The following HMGN5 variants were observed in gnomAD, a reference collection of about 807,000 sequenced individuals.
HMGN5 encodes the protein high mobility group nucleosome-binding domain-containing protein 5.
Under a neutral mutation model 9.5 loss-of-function variants are expected in HMGN5, and 4 were observed. That is an observed-to-expected ratio of 0.42 (90% CI 0.21 to 0.96). The LOEUF (loss-of-function observed/expected upper bound fraction) is 0.96. HMGN5 is among the 40% of genes least tolerant of loss of function. The probability of loss-of-function intolerance (pLI) is 0.30; values close to 1 mark genes in which losing one functional copy is unlikely to be tolerated. For synonymous variants in HMGN5, 55 were observed against 57.1 expected, an observed-to-expected ratio of 0.96 and a Z score of 0.16; for missense variants, 192 against 187.5, an observed-to-expected ratio of 1.02 and a Z score of -0.14.
intron 1 of HMGN5, among the ~76,000 whole-genome samples, chrX:81,158,795 T>C (rs1201866107): frequency 1.8e-5 from 2 of 112,202 alleles, no homozygotes; most frequent in Admixed American, 1.9e-4. Context: ...TTTATAGTTT[T>C]GGGTTTTACA....
intron 1 of HMGN5, among the ~76,000 whole-genome samples, chrX:81,191,113 T>C (rs2075493030): frequency 8.9e-6 from 1 of 112,100 alleles, no homozygotes. Flanking sequence ...CCATTCTATT[T>C]ACATATTGAT....
intron 1 of HMGN5, among the ~76,000 whole-genome samples, chrX:81,171,441 T>C (rs1028514483): frequency 7.2e-5 from 8 of 111,709 alleles, no homozygotes; most frequent in African/African-American, 2.6e-4. Context: ...TACATAAACT[T>C]TGGAAGTCAG....
intron 1 of HMGN5, among the ~76,000 whole-genome samples, chrX:81,153,457 G>A (rs914740486): frequency 4.0e-5 from 4 of 99,855 alleles, no homozygotes; most frequent in Non-Finnish European, 8.1e-5. Context: ...AGGAGGCTGA[G>A]GCACAAGAAT....
chrX:81,122,370 C>G (rs111539804), intron 1 of HMGN5, among the ~76,000 whole-genome samples: 6,497 of 111,602 alleles, frequency 0.058, 205 homozygotes, highest in Non-Finnish European at 0.096. Flanking sequence ...ATGAAAAACA[C>G]TGAGAATAGA....
intron 1 of HMGN5, among the ~76,000 whole-genome samples, chrX:81,158,136 T>G (rs1362243036): frequency 8.9e-6 from 1 of 111,974 alleles, no homozygotes; most frequent in Non-Finnish European, 1.9e-5. Flanking sequence ...AAATGTTGTG[T>G]CCTGAGATGT....
At chrX:81,194,094 G>T (rs999805279) in intron 1 of HMGN5, among the ~76,000 whole-genome samples, 1 of 111,272 alleles carries the variant, frequency 9.0e-6, no homozygotes, top group Non-Finnish European at 1.9e-5. Flanking sequence ...TTCAATTATT[G>T]GTGCTAGAAT....
At chrX:81,166,201 T>C (rs1181094553) in intron 1 of HMGN5, among the ~76,000 whole-genome samples, 1 of 111,335 alleles carries the variant, frequency 9.0e-6, no homozygotes, top group Admixed American at 9.6e-5. Flanking sequence ...CTAGGAGAAT[T>C]GCTATATCAG....
chrX:81,195,091 G>A (rs187517709), intron 1 of HMGN5: 1 of 111,204 alleles, frequency 9.0e-6, no homozygotes, highest in African/African-American at 3.3e-5. Flanking sequence ...TATATAAAGG[G>A]GAATTTATTA....
intron 1 of HMGN5, among the ~76,000 whole-genome samples, chrX:81,192,177 G>A (rs898835935): frequency 9.0e-6 from 1 of 111,250 alleles, no homozygotes; most frequent in African/African-American, 3.3e-5. Flanking sequence ...TATACTACTG[G>A]ATTTGGTTTG....
chrX:81,182,200 A>T (rs889193255), intron 1 of HMGN5, among the ~76,000 whole-genome samples: 3 of 112,147 alleles, frequency 2.7e-5, no homozygotes, highest in Non-Finnish European at 3.8e-5. Flanking sequence ...ATGAGCAATG[A>T]TGTTGAGTGT....
chrX:81,178,275 G>T (rs1250198649), intron 1 of HMGN5, among the ~76,000 whole-genome samples: 2 of 111,470 alleles, frequency 1.8e-5, no homozygotes, highest in Non-Finnish European at 3.8e-5. Flanking sequence ...GAATCCATGA[G>T]CTGGTTTTTT....
chrX:81,188,915 G>A (rs1429770094), intron 1 of HMGN5, among the ~76,000 whole-genome samples: 2 of 111,135 alleles, frequency 1.8e-5, no homozygotes, highest in African/African-American at 6.5e-5. Flanking sequence ...ACACACCACA[G>A]TCACAGTGCT....
intron 1 of HMGN5, among the ~76,000 whole-genome samples, chrX:81,156,618 C>T (rs1226044777): frequency 8.9e-6 from 1 of 112,223 alleles, no homozygotes; most frequent in East Asian, 2.8e-4. Flanking sequence ...ATTTAATTTA[C>T]TTATTTATTT....
At chrX:81,146,707 G>A (rs2075345038) in intron 1 of HMGN5, among the ~76,000 whole-genome samples, 1 of 111,601 alleles carries the variant, frequency 9.0e-6, no homozygotes, top group African/African-American at 3.3e-5. Context: ...ATGAATCAAG[G>A]AGCTAGTTTT....
At chrX:81,174,808 G>A (rs1394420689) in intron 1 of HMGN5, among the ~76,000 whole-genome samples, 1 of 111,384 alleles carries the variant, frequency 9.0e-6, no homozygotes, top group Non-Finnish European at 1.9e-5. Context: ...AGAAATAGAA[G>A]TGTTCTTTTC....
At chrX:81,159,844 T>C (rs1010135679) in intron 1 of HMGN5, among the ~76,000 whole-genome samples, 4 of 111,451 alleles carry the variant, frequency 3.6e-5, no homozygotes, top group Non-Finnish European at 7.5e-5. Flanking sequence ...ATATTTATGA[T>C]AAAAGCACAA....
intron 1 of HMGN5, among the ~76,000 whole-genome samples, chrX:81,193,198 G>C (rs1261215083): frequency 9.0e-6 from 1 of 111,496 alleles, no homozygotes; most frequent in Admixed American, 9.6e-5. Context: ...GGTCATAAAA[G>C]ATGATCTAGT....
intron 1 of HMGN5, among the ~76,000 whole-genome samples, chrX:81,188,774 G>A (rs2075485809): frequency 9.0e-6 from 1 of 110,613 alleles, no homozygotes; most frequent in African/African-American, 3.3e-5. Flanking sequence ...ATGGTTTCCA[G>A]CTTCATCCAT....
chrX:81,117,260 G>A (rs866197935), intron 5 of HMGN5, among the ~76,000 whole-genome samples: 1 of 79,864 alleles, frequency 1.3e-5, no homozygotes, highest in African/African-American at 4.9e-5. Flanking sequence ...TTTTTTTTCC[G>A]TTTTTTTTTT....
Sources: allele counts gnomAD v4.1 joint callset (sites outside exome capture counted in the v4.1 genomes callset), GRCh38; gene constraint gnomAD v4.1.1; transcripts MANE v1.5; gene names NCBI Gene and HGNC (gene_info 2026-07-23, HGNC 2026-07-21).